The following TBX15 variants were observed in gnomAD, a reference collection of about 807,000 sequenced individuals.
TBX15 encodes T-box transcription factor 15.
Under a neutral mutation model 53.9 loss-of-function variants are expected in TBX15, and 18 were observed. The observed-to-expected ratio is 0.33, with a 90% confidence interval of 0.23 to 0.49. The LOEUF is 0.49. Ranked by LOEUF, TBX15 falls within the 20% of genes least tolerant of loss-of-function variation. TBX15 has a pLI of 0.98. For synonymous variants in TBX15, 295 were observed against 278.0 expected, an observed-to-expected ratio of 1.06 and a Z score of -0.61; for missense variants, 692 against 749.5, an observed-to-expected ratio of 0.92 and a Z score of 0.90.
In TBX15 at chr1:118,971,478, T is replaced by G. The variant is rs545694004; in HGVS notation, c.205+16113A>C. Among the ~76,000 whole-genome samples the G allele has an allele frequency of 2.6e-5, 4 of 152,264 alleles. No individual in the cohort carries two copies. The East Asian group carries it at 7.7e-4, about 29-fold the overall frequency. On this transcript the variant is annotated intron_variant, in intron 1 of 7. Transcript: ENST00000369429. ...TTCAGTTTTACAAATGTTAACTGAG[T>G]GCCAACAGGAATTCAAAGATGAGTA...
At chr1:118,940,676 G>A (rs1228004573) in intron 1 of TBX15, among the ~76,000 whole-genome samples, 1 of 149,348 alleles carries the variant, frequency 6.7e-6, no homozygotes, top group Admixed American at 6.7e-5. Flanking sequence ...ACAGTAAAGT[G>A]TCAAATTAAC....
At chr1:118,904,802 C>T (rs1247844675) in intron 6 of TBX15, among the ~76,000 whole-genome samples, 1 of 152,190 alleles carries the variant, frequency 6.6e-6, no homozygotes, top group African/African-American at 2.4e-5. Context: ...GCTAAAATCA[C>T]ATGAGGGACA....
chr1:118,948,548 C>T (rs1656413509), intron 1 of TBX15, among the ~76,000 whole-genome samples: 1 of 152,172 alleles, frequency 6.6e-6, no homozygotes, highest in Admixed American at 6.5e-5. Context: ...GTCCAACCTG[C>T]CTGGCTCTTT....
At chr1:118,973,877 T>G (rs559316258) in intron 1 of TBX15, among the ~76,000 whole-genome samples, 1 of 152,266 alleles carries the variant, frequency 6.6e-6, no homozygotes, top group Admixed American at 6.5e-5. Context: ...CCTCCTACAG[T>G]ACCTACCACC....
intron 6 of TBX15, among the ~76,000 whole-genome samples, chr1:118,913,899 G>A (rs1655104357): frequency 6.6e-6 from 1 of 152,072 alleles, no homozygotes; most frequent in Non-Finnish European, 1.5e-5. Flanking sequence ...ATATGATGTG[G>A]GGAAGAAAAC....
intron 1 of TBX15, among the ~76,000 whole-genome samples, chr1:118,983,165 G>C (rs12742627): frequency 6.6e-6 from 1 of 152,070 alleles, no homozygotes; most frequent in Non-Finnish European, 1.5e-5. Context: ...TCTGAAGCGC[G>C]GGAACCTAGG....
chr1:118,976,485 T>G (rs1222329687), intron 1 of TBX15, among the ~76,000 whole-genome samples: 1 of 152,220 alleles, frequency 6.6e-6, no homozygotes, highest in Non-Finnish European at 1.5e-5. Flanking sequence ...TGGGGATTTC[T>G]GAGCTCCGGG....
chr1:118,943,500 GAGAA>G (rs763092663), intron 1 of TBX15, among the ~76,000 whole-genome samples: 1 of 152,156 alleles, frequency 6.6e-6, no homozygotes, highest in Non-Finnish European at 1.5e-5. Context: ...CACAATATCT[GAGAA>G]AGAAAGTGAT....
Position 118,987,676 on chromosome 1 carries a change from C to T in TBX15, c.120G>A (p.Leu40=). Reference sequence around the variant, plus strand: ...GGCTCAGCGCCTCCATAGACAGGTCCAGCCCCTTCTCCTCCCAGTCTCGCA... The same window carrying T: ...GGCTCAGCGCCTCCATAGACAGGTCTAGCCCCTTCTCCTCCCAGTCTCGCA... ...RKLRDWEEKG[L]DLSMEALSPA... The change falls in exon 1 of 8, where the codon CTG becomes CTA. Residue 40 remains leucine, a synonymous_variant. Transcript: ENST00000369429. 1.9e-6 allele frequency: 3 copies of T among 1,550,396 alleles called. No individual in the cohort carries two copies. Among genetic ancestry groups the T allele is most frequent in the Non-Finnish European group, 2.6e-6 (3 of 1,146,846 alleles).
At chr1:118,942,877 A>G (rs1181991067) in intron 1 of TBX15, among the ~76,000 whole-genome samples, 1 of 152,212 alleles carries the variant, frequency 6.6e-6, no homozygotes, top group Non-Finnish European at 1.5e-5. Flanking sequence ...AGGTAGTGAG[A>G]CAGATATCCT....
At chr1:118,889,301 G>C (rs115193275) in intron 7 of TBX15, among the ~76,000 whole-genome samples, 1 of 152,320 alleles carries the variant, frequency 6.6e-6, no homozygotes, top group Non-Finnish European at 1.5e-5. Context: ...TGATCTAACA[G>C]CTTGTCGAAT....
At chr1:118,936,952 G>A (rs1655990649) in intron 1 of TBX15, among the ~76,000 whole-genome samples, 21 of 152,148 alleles carry the variant, frequency 1.4e-4, no homozygotes, top group Admixed American at 1.4e-3. Context: ...TGTTCTGAAG[G>A]AGCTCACAAT....
chr1:118,943,444 TG>T (rs766010881), intron 1 of TBX15, among the ~76,000 whole-genome samples: 1 of 152,152 alleles, frequency 6.6e-6, no homozygotes, highest in Non-Finnish European at 1.5e-5. Flanking sequence ...AGCCTGCTTT[TG>T]AGTGGGTCTG....
At position 118,914,193 on chromosome 1, in the gene TBX15, A is replaced by G; in HGVS notation, c.862-14T>C. 1 of 1,610,204 alleles carries G rather than the reference A, an allele frequency of 6.2e-7. No individual in the cohort carries two copies. Among genetic ancestry groups the G allele is most frequent in the Non-Finnish European group, 8.5e-7 (1 of 1,176,774 alleles). ...TAATCTGGTAATCTGGAAACAAACA[A>G]ATAAGTATGAATTGCTTTTATATTA... On this transcript the variant is annotated splice_polypyrimidine_tract_variant and intron_variant, in intron 5 of 7. Transcript: ENST00000369429.
rs532556391 is a variant in TBX15 at position 118,944,818 on chromosome 1, G to A, written c.206-12986C>T. 9.8e-5 allele frequency among the ~76,000 whole-genome samples: 15 copies of A among 152,296 alleles called. No individual in the cohort carries two copies. In the East Asian group the frequency reaches 2.7e-3, roughly 27 times the overall value. On this transcript the variant is annotated intron_variant, in intron 1 of 7. Transcript: ENST00000369429. ...GACCCAGCCTGAACTGTATTTAGAA[G>A]CTTGGACATGGCACCATGTTCCAGC...
At chr1:118,943,191 G>A (rs1398852781) in intron 1 of TBX15, among the ~76,000 whole-genome samples, 3 of 152,150 alleles carry the variant, frequency 2.0e-5, no homozygotes, top group African/African-American at 4.8e-5. Flanking sequence ...ATGACCATAT[G>A]CGTTAAGTCT....
intron 6 of TBX15, among the ~76,000 whole-genome samples, chr1:118,902,143 CAT>C (rs1311511123): frequency 2.0e-5 from 3 of 151,924 alleles, no homozygotes; most frequent in Admixed American, 6.6e-5. Flanking sequence ...ATATTGGTCT[CAT>C]AGATTTATAT....
chr1:118,939,437 C>CAAAAAAAAAAA (rs869077887), intron 1 of TBX15, among the ~76,000 whole-genome samples: 1 of 84,678 alleles, frequency 1.2e-5, no homozygotes, highest in Non-Finnish European at 2.2e-5. Context: ...AAAAAAAAAA[C>CAAAAAAAAAAA]AAAAACAGGA....
intron 5 of TBX15, among the ~76,000 whole-genome samples, chr1:118,921,691 G>A (rs1655429971): frequency 6.6e-6 from 1 of 152,204 alleles, no homozygotes; most frequent in East Asian, 1.9e-4. Context: ...TCTGGGTAAT[G>A]TTCCATTTCC....
Sources: gnomAD v4.1 joint callset for allele counts (sites outside exome capture counted in the v4.1 genomes callset) on GRCh38, gnomAD v4.1.1 for gene constraint, MANE v1.5 for transcripts, NCBI Gene and HGNC (gene_info 2026-07-23, HGNC 2026-07-21) for gene names.